The following JMY variants were observed in gnomAD, a reference collection of about 807,000 sequenced individuals.
JMY encodes the protein junction-mediating and -regulatory protein.
Under a neutral mutation model 103.3 loss-of-function variants are expected in JMY, and 46 were observed. That is an observed-to-expected ratio of 0.45 (90% CI 0.35 to 0.57). JMY has a LOEUF of 0.57. Ranked by LOEUF, JMY falls within the 20% of genes least tolerant of loss-of-function variation. The pLI is 0.00. For synonymous variants in JMY, 526 were observed against 489.3 expected, an observed-to-expected ratio of 1.07 and a Z score of -0.99; for missense variants, 1,238 against 1,255.2, an observed-to-expected ratio of 0.99 and a Z score of 0.21.
intron 2 of JMY, chr5:79,284,572 C>T (rs1452364313): frequency 2.0e-6 from 3 of 1,537,262 alleles, no homozygotes; most frequent in Non-Finnish European, 2.7e-6. Context: ...TCATTGTCTG[C>T]CATTTTTTGA....
At position 79,318,804 on chromosome 5, in the gene JMY, G is replaced by GA. The variant is rs1580377765; in HGVS notation, c.*3+2494_*3+2495insA. 6.4e-4 allele frequency among the ~76,000 whole-genome samples: 10 copies of GA among 15,638 alleles called. 1 individual carries two copies. Among genetic ancestry groups the GA allele is most frequent in the Middle Eastern group, 0.024 (1 of 42 alleles). 10.3% of individuals were successfully genotyped at this position (15,638 alleles called of 152,430 possible). ...GAGAGAGAGAGAGAGAGAGAGAGAG[G>GA]GATGCATATCAGTTTGTGAATGTCT... On this transcript the variant is annotated intron_variant, in intron 10 of 10. Coordinates refer to ENST00000396137, the MANE Select transcript of JMY (RefSeq NM_152405.5).
intron 1 of JMY, among the ~76,000 whole-genome samples, chr5:79,269,406 T>C (rs1040406222): frequency 3.3e-5 from 5 of 152,210 alleles, no homozygotes; most frequent in African/African-American, 1.2e-4. Context: ...TTCAATATTG[T>C]GTTAGCTATT....
intron 1 of JMY, among the ~76,000 whole-genome samples, chr5:79,268,877 C>G (rs1346538318): frequency 1.3e-5 from 2 of 152,110 alleles, no homozygotes; most frequent in Non-Finnish European, 2.9e-5. Context: ...TACTGTTGAG[C>G]TTCAGGAGTT....
chr5:79,288,623 C>A (rs1746334506), intron 2 of JMY, among the ~76,000 whole-genome samples: 1 of 152,074 alleles, frequency 6.6e-6, no homozygotes, highest in African/African-American at 2.4e-5. Flanking sequence ...ACCCAGATTT[C>A]TACACCTGAT....
At chr5:79,269,148 T>C (rs1489603110) in intron 1 of JMY, among the ~76,000 whole-genome samples, 1 of 151,952 alleles carries the variant, frequency 6.6e-6, no homozygotes, top group African/African-American at 2.4e-5. Flanking sequence ...AATTCCATGA[T>C]CAATTTTGAG....
chr5:79,307,449 G>A (rs1464220438), intron 7 of JMY, among the ~76,000 whole-genome samples: 2 of 151,980 alleles, frequency 1.3e-5, no homozygotes, highest in African/African-American at 4.8e-5. Context: ...ATTCTGACAG[G>A]TGTATAGTGG....
intron 1 of JMY, among the ~76,000 whole-genome samples, chr5:79,270,365 GTATATTTACATAAATATTTACATAAAATA>G (rs1561297545): frequency 2.7e-5 from 3 of 112,274 alleles, no homozygotes; most frequent in Admixed American, 9.3e-5. Context: ...TATTTAAAAT[GTATATTTACATAAATATTTACATAAAATA>G]TATATTTACA....
chr5:79,242,701 C>G lies in JMY; in HGVS notation c.1032+5019C>G, dbSNP rs552237276. ...CTTAATCCAAGGGACTGTATTCCTT[C>G]CTTAAAGAGAAAGGATGTCAATCTC... On this transcript the variant is annotated intron_variant, in intron 1 of 10. Transcript: ENST00000396137. Among the ~76,000 whole-genome samples, 172 of 152,034 alleles carry G rather than the reference C, an allele frequency of 1.1e-3. 1 individual carries two copies. In the South Asian group the frequency reaches 0.034, roughly 30 times the overall value.
chr5:79,300,932 C>G, intron 6 of JMY, 69 bp downstream of exon 6: 1 of 1,307,690 alleles, frequency 7.6e-7, no homozygotes, highest in African/African-American at 1.5e-5. Flanking sequence ...TCTGTTTTGT[C>G]TTTAAAACTT....
intron 6 of JMY, among the ~76,000 whole-genome samples, chr5:79,302,832 C>T (rs1356982342): frequency 2.0e-5 from 3 of 152,174 alleles, no homozygotes; most frequent in Admixed American, 1.3e-4. Context: ...TTATCCTCCA[C>T]CTCAATAAGG....
intron 1 of JMY, among the ~76,000 whole-genome samples, chr5:79,249,205 A>G (rs1580328655): frequency 1.3e-5 from 2 of 152,290 alleles, no homozygotes; most frequent in South Asian, 2.1e-4. Flanking sequence ...TGTTTTTAGT[A>G]GAAATGGAGT....
rs1170397089 is a variant in JMY at position 79,249,007 on chromosome 5, C to T, written c.1032+11325C>T. Among the ~76,000 whole-genome samples the T allele has an allele frequency of 2.0e-5, 3 of 152,202 alleles. No individual in the cohort carries two copies. The East Asian group carries it at 5.8e-4, about 29-fold the overall frequency. ...CAAACTCCTGAGTTCAACTTATCCT[C>T]CCGCCTTGCCCTCCCAAAGTTCTGA... On this transcript the variant is annotated intron_variant, in intron 1 of 10. Transcript: ENST00000396137.
chr5:79,320,401 G>A (rs1025478555), intron 10 of JMY, among the ~76,000 whole-genome samples: 2 of 151,530 alleles, frequency 1.3e-5, no homozygotes, highest in South Asian at 2.1e-4. Context: ...GTGCAGTGGC[G>A]CCGTATTTGG....
intron 1 of JMY, among the ~76,000 whole-genome samples, chr5:79,275,232 C>T (rs2112082340): frequency 6.6e-6 from 1 of 150,932 alleles, no homozygotes; most frequent in East Asian, 2.0e-4. Context: ...GCGATCTCAG[C>T]TCACTGCAAG....
intron 4 of JMY, among the ~76,000 whole-genome samples, chr5:79,297,452 G>A (rs1489959835): frequency 6.6e-6 from 1 of 152,124 alleles, no homozygotes; most frequent in East Asian, 1.9e-4. Context: ...GTCAGCTGAG[G>A]ACAGGAAAAC....
Position 79,325,211 on chromosome 5 carries a change from A to C in JMY, c.*3609A>C, listed in dbSNP as rs1747595011. On this transcript the variant is annotated 3_prime_UTR_variant, in exon 11 of 11. Coordinates refer to ENST00000396137, the MANE Select transcript of JMY (RefSeq NM_152405.5). ...AATGCTTTTAGCCTAGGCAAAGCTA[A>C]ATACAAGGTTTTTGGGGTTTTCTTT... is the stretch of plus-strand genomic sequence containing the variant. 6.6e-6 allele frequency: 1 copy of C among 152,260 alleles called. No homozygotes were observed. The highest frequency in any genetic ancestry group is 1.5e-5 in the Non-Finnish European group (1 of 68,026). The allele number at this position is 152,260 out of a possible 1,614,324, so 9.4% of individuals were successfully genotyped here.
At chr5:79,288,578 CATT>C (rs1261922752) in intron 2 of JMY, among the ~76,000 whole-genome samples, 1 of 152,126 alleles carries the variant, frequency 6.6e-6, no homozygotes, top group Non-Finnish European at 1.5e-5. Flanking sequence ...AGATATTACT[CATT>C]ATTCCCTTTC....
chr5:79,296,270 A>G (rs982386051), intron 4 of JMY, among the ~76,000 whole-genome samples: 1 of 152,182 alleles, frequency 6.6e-6, no homozygotes, highest in African/African-American at 2.4e-5. Flanking sequence ...AATTATGGGA[A>G]TTTTCCATTT....
At chr5:79,240,864 T>G (rs1280637861) in intron 1 of JMY, among the ~76,000 whole-genome samples, 1 of 152,234 alleles carries the variant, frequency 6.6e-6, no homozygotes, top group East Asian at 1.9e-4. Context: ...AAGGTAACAT[T>G]TTTATAGAAG....
Sources: allele counts gnomAD v4.1 joint callset (sites outside exome capture counted in the v4.1 genomes callset), GRCh38; gene constraint gnomAD v4.1.1; transcripts MANE v1.5; gene names NCBI Gene and HGNC (gene_info 2026-07-23, HGNC 2026-07-21).